CXADR: variants seen among roughly 807,000 people sequenced by gnomAD.
The protein encoded by CXADR is coxsackievirus and adenovirus receptor.
In CXADR, 20 loss-of-function variants were observed where a neutral mutation model predicts 40.3. That is an observed-to-expected ratio of 0.50 (90% confidence interval 0.35 to 0.72). The LOEUF is 0.72. Ranked by LOEUF, CXADR falls within the 30% of genes least tolerant of loss-of-function variation. The probability of loss-of-function intolerance (pLI) is 0.01; values close to 1 mark genes in which losing one functional copy is unlikely to be tolerated. For synonymous variants in CXADR, 150 were observed against 161.3 expected, an observed-to-expected ratio of 0.93 and a Z score of 0.53; for missense variants, 332 against 449.1, an observed-to-expected ratio of 0.74 and a Z score of 2.36.
At chr21:17,607,018 T>C in the CXADR span, among the ~76,000 whole-genome samples, 1 of 152,172 alleles carries the variant, frequency 6.6e-6, no homozygotes, top group African/African-American at 2.4e-5. Context: ...GAAAGAACAC[T>C]CCACCTATTC....
chr21:17,578,948 A>C (rs1319415749), intron 7 of CXADR, among the ~76,000 whole-genome samples: 1 of 152,160 alleles, frequency 6.6e-6, no homozygotes, highest in Non-Finnish European at 1.5e-5. Flanking sequence ...TTGCCTCCCC[A>C]CATCCCCCCT....
chr21:17,593,814 C>T (rs1172717703), downstream of CXADR: 11 of 353,932 alleles, frequency 3.1e-5, no homozygotes, highest in East Asian at 1.1e-4. Flanking sequence ...ACAGTGTTCT[C>T]GTATCCAACA....
At chr21:17,540,338 A>C (rs530295892) in intron 1 of CXADR, among the ~76,000 whole-genome samples, 50 of 152,256 alleles carry the variant, frequency 3.3e-4, no homozygotes, top group African/African-American at 1.2e-3. Context: ...TATTCTATTA[A>C]TATATTTATT....
chr21:17,550,471 A>G (rs150088215), intron 2 of CXADR, among the ~76,000 whole-genome samples: 92 of 152,176 alleles, frequency 6.0e-4, no homozygotes, highest in Middle Eastern at 3.4e-3. Context: ...ATAAACCTGG[A>G]AAACAGTGTT....
Position 17,566,492 on chromosome 21 carries a change from G to T in CXADR, c.*800G>T, listed in dbSNP as rs116550927. ...GTAGTCTCATGCCTTGAGATCTGTG[G>T]TGGTCTTCAAAATGGTGGCCAGCCA... On this transcript the variant is annotated 3_prime_UTR_variant, in exon 7 of 7. Transcript: ENST00000284878. 304 of 985,378 alleles carry T rather than the reference G, an allele frequency of 3.1e-4. 1 individual carries two copies. The African/African-American group carries it at 5.1e-3, about 16-fold the overall frequency. 61.0% of individuals were successfully genotyped at this position (985,378 alleles called of 1,614,324 possible).
chr21:17,583,346 A>G (rs576539524), intron 7 of CXADR, among the ~76,000 whole-genome samples: 10 of 152,328 alleles, frequency 6.6e-5, no homozygotes, highest in African/African-American at 2.2e-4. Context: ...AAATTTACAT[A>G]GCAGTTAAAG....
intron 1 of CXADR, among the ~76,000 whole-genome samples, chr21:17,523,753 G>A (rs2248003): frequency 0.58 from 88,378 of 151,920 alleles, 27,816 homozygotes; most frequent in East Asian, 0.75. Flanking sequence ...GACCTTATGG[G>A]TTTATCTTAC....
chr21:17,609,797 T>C, the CXADR span, among the ~76,000 whole-genome samples: 19 of 152,310 alleles, frequency 1.2e-4, no homozygotes, highest in Non-Finnish European at 2.5e-4. Context: ...TACTGTGTTA[T>C]ACACACGTAT....
chr21:17,615,400 C>T, the CXADR span, among the ~76,000 whole-genome samples: 10 of 152,112 alleles, frequency 6.6e-5, no homozygotes, highest in Non-Finnish European at 2.9e-5. Flanking sequence ...AGTAGTTCCC[C>T]CTTATCCACG....
Position 17,565,647 on chromosome 21 carries a change from T to A in CXADR, c.1053T>A (p.Ile351=). The A allele has an allele frequency of 6.2e-7, 1 of 1,612,056 alleles. No homozygotes were observed. The highest frequency in any genetic ancestry group is 8.5e-7 in the Non-Finnish European group (1 of 1,179,828). The change falls in exon 7 of 7, where the codon ATT becomes ATA. Residue 351 remains isoleucine, a synonymous_variant. Coordinates refer to ENST00000284878, the MANE Select transcript of CXADR (RefSeq NM_001338.5). ...AAPNLSRMGA[I]PVMIPAQSKD... The stretch of plus-strand genomic sequence containing the variant: ...CTAATCTAAGTCGAATGGGTGCGAT[T>A]CCTGTGATGATTCCAGCACAGAGCA...
chr21:17,601,076 T>C, the CXADR span, among the ~76,000 whole-genome samples: 22 of 152,112 alleles, frequency 1.4e-4, no homozygotes, highest in South Asian at 3.3e-3. Context: ...GGCAGGAGAA[T>C]TGCTTGAACC....
chr21:17,582,926 C>T (rs1786204540), intron 7 of CXADR, among the ~76,000 whole-genome samples: 1 of 152,202 alleles, frequency 6.6e-6, no homozygotes, highest in African/African-American at 2.4e-5. Context: ...AAGACATCTT[C>T]TCACATAGTC....
chr21:17,521,529 G>A (rs1281676587), intron 1 of CXADR, among the ~76,000 whole-genome samples: 2 of 152,030 alleles, frequency 1.3e-5, no homozygotes, highest in Non-Finnish European at 2.9e-5. Flanking sequence ...CGCCATGTTG[G>A]CCAGGCTGGT....
At chr21:17,526,086 C>G (rs2060595552) in intron 1 of CXADR, among the ~76,000 whole-genome samples, 1 of 152,120 alleles carries the variant, frequency 6.6e-6, no homozygotes, top group African/African-American at 2.4e-5. Flanking sequence ...AGTGTTTGAC[C>G]TACAGCACAT....
chr21:17,549,619 A>G (rs180899675), intron 2 of CXADR, among the ~76,000 whole-genome samples: 32 of 152,322 alleles, frequency 2.1e-4, no homozygotes, highest in Admixed American at 1.6e-3. Flanking sequence ...GACATGTAAA[A>G]TTTCATGGTA....
chr21:17,524,904 G>A (rs1313556151), intron 1 of CXADR, among the ~76,000 whole-genome samples: 1 of 152,090 alleles, frequency 6.6e-6, no homozygotes, highest in African/African-American at 2.4e-5. Flanking sequence ...GTGAAACCCT[G>A]TGTCCAAAAA....
At chr21:17,532,171 A>T (rs2060686643) in intron 1 of CXADR, among the ~76,000 whole-genome samples, 2 of 151,920 alleles carry the variant, frequency 1.3e-5, no homozygotes, top group Admixed American at 6.6e-5. Flanking sequence ...GGGCCTAAGC[A>T]GTCTTCCTGC....
At chr21:17,533,776 T>C (rs1414783647) in intron 1 of CXADR, among the ~76,000 whole-genome samples, 5 of 151,950 alleles carry the variant, frequency 3.3e-5, no homozygotes, top group Admixed American at 6.6e-5. Context: ...TGATTTCTCA[T>C]TGGGGATAGG....
At chr21:17,573,413 T>C (rs558186947), downstream of CXADR, among the ~76,000 whole-genome samples, 6 of 152,256 alleles carry the variant, frequency 3.9e-5, no homozygotes, top group African/African-American at 1.2e-4. Context: ...ATAGTGTGCA[T>C]TGGTATAAAA....
Sources: gnomAD v4.1 joint callset for allele counts (sites outside exome capture counted in the v4.1 genomes callset) on GRCh38, gnomAD v4.1.1 for gene constraint, MANE v1.5 for transcripts, NCBI Gene and HGNC (gene_info 2026-07-23, HGNC 2026-07-21) for gene names.